The following TP63 variants were observed in gnomAD, a reference collection of about 807,000 sequenced individuals.
The protein encoded by TP63 is tumor protein 63.
In TP63, 17 loss-of-function variants were observed where a neutral mutation model predicts 82.8. That is an observed-to-expected ratio of 0.21 (90% CI 0.14 to 0.31). The LOEUF is 0.31. Ranked by LOEUF, TP63 falls within the 10% of genes least tolerant of loss-of-function variation. TP63 has a pLI of 1.00. For synonymous variants in TP63, 330 were observed against 321.7 expected (o/e 1.03, Z -0.28); for missense variants, 648 against 895.3 (o/e 0.72, Z 3.52).
intron 1 of TP63, among the ~76,000 whole-genome samples, chr3:189,715,557 T>G (rs903962259): frequency 6.6e-6 from 1 of 152,194 alleles, no homozygotes; most frequent in Non-Finnish European, 1.5e-5. Flanking sequence ...AAACTGACAT[T>G]GATGGTAAAT....
chr3:189,638,112 C>T (rs979371104), intron 1 of TP63, among the ~76,000 whole-genome samples: 16 of 152,156 alleles, frequency 1.1e-4, no homozygotes, highest in South Asian at 1.0e-3. Flanking sequence ...ATCTGCAGAA[C>T]GGCAAGATAC....
At chr3:189,754,277 CT>C (rs1722024670) in intron 3 of TP63, among the ~76,000 whole-genome samples, 2 of 152,112 alleles carry the variant, frequency 1.3e-5, no homozygotes, top group African/African-American at 4.8e-5. Flanking sequence ...ACCTCTCTTC[CT>C]TCTTTCCTCC....
chr3:189,612,633 G>A, the TP63 span, among the ~76,000 whole-genome samples: 1 of 152,206 alleles, frequency 6.6e-6, no homozygotes, highest in African/African-American at 2.4e-5. Context: ...CTGGGTAAGA[G>A]GCAGAGGTTG....
At chr3:189,759,303 TG>T (rs1346576623) in intron 3 of TP63, among the ~76,000 whole-genome samples, 76 of 152,332 alleles carry the variant, frequency 5.0e-4, no homozygotes, top group African/African-American at 1.7e-3. Context: ...GTGATTCAGA[TG>T]TTTGAGAACC....
the TP63 span, among the ~76,000 whole-genome samples, chr3:189,606,333 C>A: frequency 6.6e-6 from 1 of 151,852 alleles, no homozygotes; most frequent in Non-Finnish European, 1.5e-5. Flanking sequence ...ACATTAAAAT[C>A]AACAGTTCAT....
intron 1 of TP63, among the ~76,000 whole-genome samples, chr3:189,642,940 A>G (rs1712030127): frequency 6.6e-6 from 1 of 152,126 alleles, no homozygotes; most frequent in Non-Finnish European, 1.5e-5. Flanking sequence ...TATATTTCCA[A>G]GTATCACTCA....
At chr3:189,619,957 C>T in the TP63 span, among the ~76,000 whole-genome samples, 4 of 152,252 alleles carry the variant, frequency 2.6e-5, no homozygotes, top group Admixed American at 6.5e-5. Context: ...ACTTGCGTCA[C>T]TTTGTGTACT....
intron 3 of TP63, chr3:189,789,853 T>C: frequency 6.3e-7 from 1 of 1,582,714 alleles, no homozygotes; most frequent in East Asian, 2.3e-5. Context: ...GTAAGGATTT[T>C]AGATTTTAGC....
chr3:189,845,170 T>C (rs1394286978), intron 4 of TP63, among the ~76,000 whole-genome samples: 7 of 152,248 alleles, frequency 4.6e-5, no homozygotes, highest in African/African-American at 1.4e-4. Flanking sequence ...GACTTTTTTT[T>C]CTTCCTGTCA....
At chr3:189,702,398 G>T (rs1391514282) in intron 1 of TP63, among the ~76,000 whole-genome samples, 4 of 152,170 alleles carry the variant, frequency 2.6e-5, no homozygotes, top group Admixed American at 6.5e-5. Context: ...CTTTTTCCTT[G>T]CTGTCGTAGA....
intron 4 of TP63, chr3:189,829,806 C>G (rs1190500406): frequency 4.1e-6 from 1 of 245,484 alleles, no homozygotes; most frequent in Non-Finnish European, 8.5e-6. Flanking sequence ...GATTTCTATA[C>G]TGCTGACAGT....
chr3:189,631,105 C>T (rs1411802482), upstream of TP63, among the ~76,000 whole-genome samples: 1 of 152,070 alleles, frequency 6.6e-6, no homozygotes, highest in Admixed American at 6.6e-5. Flanking sequence ...GTCCAGGCTG[C>T]TGAAATTAAA....
chr3:189,864,538 TG>T, intron 5 of TP63, 120 bp downstream of exon 5: 1 of 561,148 alleles, frequency 1.8e-6, no homozygotes, highest in Non-Finnish European at 2.7e-6. Flanking sequence ...CAGATCAGTC[TG>T]CCTTTTTTTT....
Position 189,672,524 on chromosome 3 carries a change from C to T in TP63, c.62+40947C>T, listed in dbSNP as rs895495874. Among the ~76,000 whole-genome samples the T allele has an allele frequency of 2.6e-5, 4 of 151,954 alleles. No individual in the cohort carries two copies. The South Asian group carries it at 6.3e-4, about 24-fold the overall frequency. On this transcript the variant is annotated intron_variant, in intron 1 of 13. Transcript: ENST00000264731. ...AGCTGAGATGGGAGGATTACTTGAA[C>T]CTGGCAGGGGAAGGCTACAGTGAGC...
At chr3:189,689,465 C>A (rs1716741945) in intron 1 of TP63, among the ~76,000 whole-genome samples, 1 of 151,934 alleles carries the variant, frequency 6.6e-6, no homozygotes, top group South Asian at 2.1e-4. Context: ...AGGTTCATTT[C>A]ACATGTATAA....
At chr3:189,743,001 A>G (rs1721110050) in intron 3 of TP63, among the ~76,000 whole-genome samples, 1 of 152,198 alleles carries the variant, frequency 6.6e-6, no homozygotes, top group Admixed American at 6.5e-5. Flanking sequence ...ATAAAAACAT[A>G]ATGTGATGCT....
At chr3:189,719,507 C>A (rs1719216112) in intron 1 of TP63, among the ~76,000 whole-genome samples, 1 of 152,184 alleles carries the variant, frequency 6.6e-6, no homozygotes, top group South Asian at 2.1e-4. Flanking sequence ...CATTTTATGG[C>A]ATTATCATGC....
upstream of TP63, among the ~76,000 whole-genome samples, chr3:189,627,883 T>C (rs770079776): frequency 6.6e-6 from 1 of 152,180 alleles, no homozygotes; most frequent in African/African-American, 2.4e-5. Flanking sequence ...GTATGTAAAT[T>C]ATACCTCATA....
intron 10 of TP63, among the ~76,000 whole-genome samples, chr3:189,884,700 A>G (rs1720261741): frequency 6.6e-6 from 1 of 152,224 alleles, no homozygotes; most frequent in Non-Finnish European, 1.5e-5. Context: ...TGAGTATTTG[A>G]TAAGGGCTAA....
Sources: gnomAD v4.1 joint callset for allele counts (sites outside exome capture counted in the v4.1 genomes callset) on GRCh38, gnomAD v4.1.1 for gene constraint, MANE v1.5 for transcripts, NCBI Gene and HGNC (gene_info 2026-07-23, HGNC 2026-07-21) for gene names.